The following PANK4 variants were observed in gnomAD, a reference collection of about 807,000 sequenced individuals.
The protein encoded by PANK4 is pantothenate kinase 4 (inactive), also known as 4'-phosphopantetheine phosphatase.
PANK4 carries 40 observed loss-of-function variants against 87.9 expected under a neutral mutation model. That is an observed-to-expected ratio of 0.46 (90% CI 0.35 to 0.59). The LOEUF (loss-of-function observed/expected upper bound fraction) is 0.59. Among genes scored for constraint, PANK4 ranks in the 20% least tolerant of loss-of-function variants. PANK4 has a pLI of 0.00. For synonymous variants in PANK4, 524 were observed against 467.4 expected, an observed-to-expected ratio of 1.12 and a Z score of -1.56; for missense variants, 926 against 1,072.3, an observed-to-expected ratio of 0.86 and a Z score of 1.90.
At position 2,512,904 on chromosome 1, in the gene PANK4, C is replaced by G; in HGVS notation, c.1711G>C (p.Ala571Pro). 1 of 1,612,576 alleles carries G rather than the reference C, an allele frequency of 6.2e-7. No homozygotes were observed. Among genetic ancestry groups the G allele is most frequent in the Non-Finnish European group, 8.5e-7 (1 of 1,179,692 alleles). The stretch of plus-strand genomic sequence containing the variant: ...GACACCTACGCAGACACGGCTTTGG[C>G]CCCCCAGTCGAAGACATTCCCCGCC... Reference protein sequence around the residue: ...LLAGNVFDWGAKAVSAVLESD... With the variant: ...LLAGNVFDWGPKAVSAVLESD... The change falls in exon 13 of 19, where the codon GCC becomes CCC. Residue 571 changes from alanine to proline, a missense_variant. Ala to Pro is a conservative substitution (Grantham distance 27). Coordinates refer to ENST00000378466, the MANE Select transcript of PANK4 (RefSeq NM_018216.4).
Position 2,521,530 on chromosome 1 carries a change from G to A in PANK4, c.207+188C>T, listed in dbSNP as rs531100048. The A allele has an allele frequency of 4.3e-6, 3 of 700,228 alleles. No homozygotes were observed. The South Asian group carries it at 4.8e-5, about 11-fold the overall frequency. 43.4% of individuals were successfully genotyped at this position (700,228 alleles called of 1,614,324 possible). A position where few individuals can be genotyped will look rare whatever the true frequency, so the allele number is the denominator to read the frequency against. ...AGCCTCTCCCGGGGGAGCACAGGCGGGCGCAGGTTCCTACAAAGGGTCTTG... is the reference window on the plus strand; with the variant it reads ...AGCCTCTCCCGGGGGAGCACAGGCGAGCGCAGGTTCCTACAAAGGGTCTTG... On this transcript the variant is annotated intron_variant, in intron 2 of 18. Transcript: ENST00000378466.
At chr1:2,511,432 C>G (rs764396662) in intron 14 of PANK4, 45 bp from the exon 15 acceptor site, 24 of 1,450,818 alleles carry the variant, frequency 1.7e-5, no homozygotes, top group Non-Finnish European at 4.8e-6. Flanking sequence ...TGCTCCAGGT[C>G]AGGGGTCAGG....
At chr1:2,517,628 T>G (rs1643805590) in intron 9 of PANK4, among the ~76,000 whole-genome samples, 1 of 152,134 alleles carries the variant, frequency 6.6e-6, no homozygotes, top group African/African-American at 2.4e-5. Flanking sequence ...TCGGCAGACA[T>G]GGGGTGCGTC....
chr1:2,513,078 T>C (rs1178597743), intron 12 of PANK4, 39 bp from the exon 13 acceptor site: 1 of 1,554,930 alleles, frequency 6.4e-7, no homozygotes, highest in Non-Finnish European at 8.7e-7. Flanking sequence ...AGTGAAGACG[T>C]GGCCTCAGCC....
At chr1:2,513,111 C>A (rs1557438425) in intron 12 of PANK4, 72 bp from the exon 13 acceptor site, 2 of 1,472,788 alleles carry the variant, frequency 1.4e-6, no homozygotes, top group Non-Finnish European at 1.8e-6. Context: ...CTGCCAGGCG[C>A]AGCCTGTTCC....
rs1202816323 is a variant in PANK4 at position 2,510,437 on chromosome 1, T to C, written c.1938+241A>G. The C allele has an allele frequency of 1.7e-6, 1 of 596,156 alleles. No homozygotes were observed. Among genetic ancestry groups the C allele is most frequent in the African/African-American group, 1.9e-5 (1 of 53,612 alleles). 36.9% of individuals were successfully genotyped at this position (596,156 alleles called of 1,614,324 possible). A position where few individuals can be genotyped will look rare whatever the true frequency, so the allele number is the denominator to read the frequency against. On this transcript the variant is annotated intron_variant, in intron 16 of 18. Transcript: ENST00000378466. This position sits in a 1 kb window ranked among gnomAD's most constrained non-coding sequence, Gnocchi z 4.9. ...CAAAGCCTCCTTGCTGTGAGCACCC[T>C]TCCAGGAGCCTGGCGTCAACCCTGG...
Position 2,510,919 on chromosome 1 carries a change from C to T in PANK4, c.1834-137G>A, listed in dbSNP as rs918852561. 1.7e-5 allele frequency: 11 copies of T among 639,194 alleles called. No homozygotes were observed. The highest frequency in any genetic ancestry group is 3.1e-5 in the Non-Finnish European group (11 of 356,708). The allele number at this position is 639,194 out of a possible 1,614,324, so 39.6% of individuals were successfully genotyped here. On this transcript the variant is annotated intron_variant, in intron 15 of 18. Transcript: ENST00000378466. This position sits in a 1 kb window ranked among gnomAD's most constrained non-coding sequence, Gnocchi z 4.9. Reference sequence around the variant, plus strand: ...GGGCCCCAGAGATGCCAGGGATGGGCTGTCCTGCAGGGGCCGAGACCAGGG... The same window carrying T: ...GGGCCCCAGAGATGCCAGGGATGGGTTGTCCTGCAGGGGCCGAGACCAGGG...
In PANK4 at chr1:2,509,837, G is replaced by T; in HGVS notation, c.2108+25C>A. 1.2e-6 allele frequency: 2 copies of T among 1,603,128 alleles called. No individual in the cohort carries two copies. The highest frequency in any genetic ancestry group is 1.1e-5 in the South Asian group (1 of 90,546). ...GAGGGCACAGAGCCCAGGAGGGAGA[G>T]AACAGGTGCAGGGTGCGGGGTTACC... On this transcript the variant is annotated intron_variant, in intron 18 of 18. Coordinates refer to ENST00000378466, the MANE Select transcript of PANK4 (RefSeq NM_018216.4). The surrounding 1 kb of genome is among the most constrained non-coding windows in gnomAD (Gnocchi z 4.9).
At position 2,514,032 on chromosome 1, in the gene PANK4, G is replaced by A. The variant is rs781554595; in HGVS notation, c.1545C>T (p.Asn515=). ...SLLDTREHCL[N]EFNFPDPYSK... is the part of the protein sequence containing the mutation. ...AGTAGGGATCCGGGAAGTTGAACTC[G>A]TTCAGACAGTGCTCCCTGGTGTCCA... The change falls in exon 12 of 19, where the codon AAC becomes AAT. Residue 515 remains asparagine, a synonymous_variant. Coordinates refer to ENST00000378466, the MANE Select transcript of PANK4 (RefSeq NM_018216.4). 24 of 1,612,678 alleles carry A rather than the reference G, an allele frequency of 1.5e-5. No homozygotes were observed. The Admixed American group carries it at 2.3e-4, about 16-fold the overall frequency.
Position 2,518,567 on chromosome 1 carries a change from C to T in PANK4, c.1066G>A (p.Glu356Lys), listed in dbSNP as rs1201000001. The change falls in exon 8 of 19, where the codon GAA (glutamate) becomes AAA (lysine). Residue 356 changes from glutamate to lysine, a missense_variant. By Grantham distance (56) the Glu-to-Lys change is moderately conservative (BLOSUM62 1). Coordinates refer to ENST00000378466, the MANE Select transcript of PANK4 (RefSeq NM_018216.4). The stretch of plus-strand genomic sequence containing the variant: ...GCTCCGATGGCTCCCAGGTAGCCTT[C>T]GTGCCTCAGAAACAGCGCCTGCACT... ...GEVQALFLRH[E>K]GYLGAIGAFL... The T allele has an allele frequency of 1.3e-6, 2 of 1,573,944 alleles. No individual in the cohort carries two copies. The highest frequency in any genetic ancestry group is 1.7e-6 in the Non-Finnish European group (2 of 1,159,682).
Position 2,510,713 on chromosome 1 carries a change from G to A in PANK4, c.1903C>T (p.Pro635Ser). Residue 635 changes from proline (P) to serine (S), a missense_variant, in exon 16 of 19, where the codon CCC becomes TCC. Pro to Ser is a moderately conservative substitution (Grantham distance 74). Coordinates refer to ENST00000378466, the MANE Select transcript of PANK4 (RefSeq NM_018216.4). The surrounding 1 kb of genome is among the most constrained non-coding windows in gnomAD (Gnocchi z 4.9). ...CTAAGGAGTAGCTCCCTGACAAAGG[G>A]GAAGACTCCCAAAATGATGTCTATT... ...SGIDIILGVF[P>S]FVRELLLRGT... The A allele has an allele frequency of 1.9e-6, 3 of 1,610,860 alleles. No homozygotes were observed. The highest frequency in any genetic ancestry group is 1.3e-5 in the African/African-American group (1 of 74,948).
chr1:2,511,363 T>A lies in PANK4; in HGVS notation c.1808A>T (p.Tyr603Phe), dbSNP rs779161553. The A allele has an allele frequency of 1.9e-6, 3 of 1,611,084 alleles. No individual in the cohort carries two copies. ...LQERPWLVDS[Y>F]SEWLQRLKGP... ...CTTTAATCTCTGAAGCCACTCGCTGTAGGAATCCACGAGCCAGGGTCTTTC... is the reference window on the plus strand; with the variant it reads ...CTTTAATCTCTGAAGCCACTCGCTGAAGGAATCCACGAGCCAGGGTCTTTC... The change falls in exon 15 of 19, where the codon TAC (tyrosine) becomes TTC (phenylalanine). Residue 603 changes from tyrosine to phenylalanine, a missense_variant. Coordinates refer to ENST00000378466, the MANE Select transcript of PANK4 (RefSeq NM_018216.4).
Position 2,508,953 on chromosome 1 carries a change from C to A in PANK4, c.2216G>T (p.Arg739Leu). 1 of 1,610,362 alleles carries A rather than the reference C, an allele frequency of 6.2e-7. No homozygotes were observed. Among genetic ancestry groups the A allele is most frequent in the Non-Finnish European group, 8.5e-7 (1 of 1,179,192 alleles). ...GACGGCCAGCTTGAGGCTCTCGCAG[C>A]GCAGGGCTGCGTGGTAGTTTGTGTG... is the stretch of plus-strand genomic sequence containing the variant. ...AVHTNYHAAL[R>L]CESLKLAVIK... Residue 739 changes from arginine to leucine, a missense_variant, in exon 19 of 19, where the codon CGC becomes CTC. Coordinates refer to ENST00000378466, the MANE Select transcript of PANK4 (RefSeq NM_018216.4). The surrounding 1 kb of genome is among the most constrained non-coding windows in gnomAD (Gnocchi z 5.1).
At position 2,512,935 on chromosome 1, in the gene PANK4, G is replaced by A; in HGVS notation, c.1680C>T (p.Gly560=). Residue 560 remains glycine, a synonymous_variant, in exon 13 of 19, where the codon GGC becomes GGT. Coordinates refer to ENST00000378466, the MANE Select transcript of PANK4 (RefSeq NM_018216.4). ...WEERQLALVK[G]LLAGNVFDWG... ...AGTCGAAGACATTCCCCGCCAGGAG[G>A]CCTTTCACCAGCGCCAGCTGCCGTT... 6.2e-7 allele frequency: 1 copy of A among 1,612,808 alleles called. No individual in the cohort carries two copies. The highest frequency in any genetic ancestry group is 8.5e-7 in the Non-Finnish European group (1 of 1,179,878).
Position 2,510,033 on chromosome 1 carries a change from C to G in PANK4, c.2039+24G>C, listed in dbSNP as rs1366799938. On this transcript the variant is annotated intron_variant, in intron 17 of 18. Coordinates refer to ENST00000378466, the MANE Select transcript of PANK4 (RefSeq NM_018216.4). This position sits in a 1 kb window ranked among gnomAD's most constrained non-coding sequence, Gnocchi z 4.9. Reference sequence around the variant, plus strand: ...GGTGCCCCTCCCCATCAAGGCCCCCCCAGCACTGCCCGCCAACACTCACTG... The same window carrying G: ...GGTGCCCCTCCCCATCAAGGCCCCCGCAGCACTGCCCGCCAACACTCACTG... The G allele has an allele frequency of 5.7e-6, 9 of 1,590,052 alleles. No individual in the cohort carries two copies. The highest frequency in any genetic ancestry group is 7.7e-6 in the Non-Finnish European group (9 of 1,164,236).
intron 3 of PANK4, 34 bp downstream of exon 3, chr1:2,521,067 A>G (rs1643871024): frequency 6.3e-7 from 1 of 1,581,694 alleles, no homozygotes; most frequent in South Asian, 1.1e-5. Context: ...GGGCAGACAC[A>G]TGTTCCTTTC....
chr1:2,512,804 C>A, intron 13 of PANK4, 84 bp downstream of exon 13: 1 of 1,425,218 alleles, frequency 7.0e-7, no homozygotes, highest in Non-Finnish European at 9.8e-7. Context: ...CCCAAGGGAC[C>A]CGCTCCACCT....
At position 2,526,584 on chromosome 1, in the gene PANK4, C is replaced by T; in HGVS notation, c.4G>A (p.Ala2Thr). The change falls in exon 1 of 19, where the codon GCG becomes ACG. Residue 2 changes from alanine to threonine, a missense_variant. Coordinates refer to ENST00000378466, the MANE Select transcript of PANK4 (RefSeq NM_018216.4). M[A>T]ECGASGSGSS... ...CCGCTGCCGCTCGCTCCACACTCCGCCATTTTGAAAGTGCCCGGCCAGCTC... is the reference window on the plus strand; with the variant it reads ...CCGCTGCCGCTCGCTCCACACTCCGTCATTTTGAAAGTGCCCGGCCAGCTC... 6.2e-7 allele frequency: 1 copy of T among 1,600,712 alleles called. No homozygotes were observed. Among genetic ancestry groups the T allele is most frequent in the East Asian group, 2.3e-5 (1 of 43,120 alleles).
intron 9 of PANK4, among the ~76,000 whole-genome samples, chr1:2,517,723 C>G (rs541918124): frequency 1.3e-5 from 2 of 152,356 alleles, no homozygotes; most frequent in East Asian, 3.9e-4. Context: ...CCGAGGAGAG[C>G]AGACTGTAAC....
Sources: allele counts gnomAD v4.1 joint callset (sites outside exome capture counted in the v4.1 genomes callset), GRCh38; gene constraint gnomAD v4.1.1; non-coding constraint Gnocchi (gnomAD v3.1); transcripts MANE v1.5; gene names NCBI Gene and HGNC (gene_info 2026-07-23, HGNC 2026-07-21).